The following CNTN6 variants were observed in gnomAD, a reference collection of about 807,000 sequenced individuals.
CNTN6 encodes the protein contactin-6.
CNTN6 carries 137 observed loss-of-function variants against 122.8 expected under a neutral mutation model. The observed-to-expected ratio is 1.12, with a 90% CI of 0.97 to 1.29. The LOEUF (loss-of-function observed/expected upper bound fraction) is 1.29, where lower values mean the gene tolerates loss of function less well. Among genes scored for constraint, CNTN6 ranks in the 50% most tolerant of loss-of-function variants. CNTN6 has a pLI of 0.00. For synonymous variants in CNTN6, 570 were observed against 426.0 expected (o/e 1.34, Z -4.16); for missense variants, 1,634 against 1,223.4 (o/e 1.34, Z -5.01).
chr3:1,333,945 A>T (rs1257633404), intron 11 of CNTN6, among the ~76,000 whole-genome samples: 3 of 152,112 alleles, frequency 2.0e-5, no homozygotes, highest in Admixed American at 6.6e-5. Context: ...ACATGATTCA[A>T]CGTAATTTGA....
intron 12 of CNTN6, among the ~76,000 whole-genome samples, chr3:1,358,359 C>T (rs1255555535): frequency 2.0e-5 from 3 of 151,486 alleles, no homozygotes; most frequent in African/African-American, 7.3e-5. Flanking sequence ...GTAAATTTAC[C>T]TTGACTCTAT....
At chr3:1,329,223 G>T (rs1701950712) in intron 10 of CNTN6, among the ~76,000 whole-genome samples, 1 of 149,398 alleles carries the variant, frequency 6.7e-6, no homozygotes, top group South Asian at 2.1e-4. Flanking sequence ...GTATATATAT[G>T]GATACACATG....
At chr3:1,366,296 A>T (rs927864796) in intron 12 of CNTN6, among the ~76,000 whole-genome samples, 1 of 152,168 alleles carries the variant, frequency 6.6e-6, no homozygotes, top group African/African-American at 2.4e-5. Flanking sequence ...TTTACAAACG[A>T]TAGAGTCTAG....
At chr3:1,332,539 G>A (rs1008070410) in intron 11 of CNTN6, among the ~76,000 whole-genome samples, 2 of 118,872 alleles carry the variant, frequency 1.7e-5, no homozygotes, top group African/African-American at 6.3e-5. Context: ...AGGAGGGAGG[G>A]AAGGAAGGAA....
intron 4 of CNTN6, among the ~76,000 whole-genome samples, chr3:1,270,851 G>A (rs2095012862): frequency 6.6e-6 from 1 of 152,142 alleles, no homozygotes; most frequent in East Asian, 1.9e-4. Context: ...GTGGTTAAGC[G>A]AATGCACTCT....
intron 7 of CNTN6, among the ~76,000 whole-genome samples, chr3:1,315,445 GC>G (rs774159975): frequency 1.4e-4 from 22 of 151,870 alleles, no homozygotes; most frequent in Non-Finnish European, 1.5e-5. Flanking sequence ...AGGAGAACTG[GC>G]AGGTAATAAT....
chr3:1,196,518 T>A (rs531330636), intron 2 of CNTN6, among the ~76,000 whole-genome samples: 1 of 152,218 alleles, frequency 6.6e-6, no homozygotes, highest in Non-Finnish European at 1.5e-5. Context: ...TAAAAGTGAC[T>A]GGCAGAGGGA....
At chr3:1,356,164 A>C (rs1201489726) in intron 12 of CNTN6, among the ~76,000 whole-genome samples, 4 of 151,802 alleles carry the variant, frequency 2.6e-5, no homozygotes, top group Non-Finnish European at 5.9e-5. Context: ...ATAAAAGGAG[A>C]AATTATTTGA....
chr3:1,117,476 G>A (rs565961878), intron 1 of CNTN6, among the ~76,000 whole-genome samples: 14 of 152,050 alleles, frequency 9.2e-5, no homozygotes, highest in Non-Finnish European at 1.6e-4. Context: ...TTGTTTGATC[G>A]GTATGTGACT....
chr3:1,273,974 A>G (rs1333629094), intron 4 of CNTN6, among the ~76,000 whole-genome samples: 1 of 152,238 alleles, frequency 6.6e-6, no homozygotes, highest in Non-Finnish European at 1.5e-5. Flanking sequence ...AATTCAATCC[A>G]AAGCTTGTTA....
At chr3:1,146,510 T>C (rs1179487345) in intron 1 of CNTN6, among the ~76,000 whole-genome samples, 1 of 152,120 alleles carries the variant, frequency 6.6e-6, no homozygotes, top group Non-Finnish European at 1.5e-5. Context: ...TAAAAAATGC[T>C]AACTGAATTC....
chr3:1,255,777 A>G lies in CNTN6; in HGVS notation c.359-22636A>G, dbSNP rs533297169. Among the ~76,000 whole-genome samples the G allele has an allele frequency of 2.6e-5, 4 of 152,214 alleles. No homozygotes were observed. The South Asian group carries it at 6.2e-4, about 24-fold the overall frequency. On this transcript the variant is annotated intron_variant, in intron 4 of 22. Coordinates refer to ENST00000446702, the MANE Select transcript of CNTN6 (RefSeq NM_001289080.2). ...AGCTTCAAACTCCTGGGCTCAAGCA[A>G]TCGTTTTGCTTCAGCCTCCTGAGTA...
intron 1 of CNTN6, among the ~76,000 whole-genome samples, chr3:1,119,324 T>TGTGTGTGTGTGTGTGTGC (rs1163589529): frequency 1.1e-4 from 16 of 149,266 alleles, no homozygotes; most frequent in Admixed American, 8.1e-4. Context: ...AGAAAAATCG[T>TGTGTGTGTGTGTGTGTGC]GTGTGTGTGT....
At chr3:1,148,615 T>A (rs1373177830) in intron 2 of CNTN6, among the ~76,000 whole-genome samples, 1 of 152,186 alleles carries the variant, frequency 6.6e-6, no homozygotes, top group African/African-American at 2.4e-5. Flanking sequence ...AACATGTTCT[T>A]TTATTCAACT....
At chr3:1,287,859 T>A (rs1694612400) in intron 5 of CNTN6, among the ~76,000 whole-genome samples, 1 of 152,214 alleles carries the variant, frequency 6.6e-6, no homozygotes, top group Non-Finnish European at 1.5e-5. Context: ...ATTCTCCTCC[T>A]CTTTCCCAGA....
At chr3:1,382,873 A>C in intron 17 of CNTN6, 69 bp from the exon 18 acceptor site, 1 of 1,012,588 alleles carries the variant, frequency 9.9e-7, no homozygotes, top group Non-Finnish European at 1.5e-6. Flanking sequence ...TGAAATAATC[A>C]ATAAACATTA....
At chr3:1,258,014 G>T (rs1336355480) in intron 4 of CNTN6, among the ~76,000 whole-genome samples, 1 of 152,060 alleles carries the variant, frequency 6.6e-6, no homozygotes, top group Non-Finnish European at 1.5e-5. Flanking sequence ...GATTTATTTG[G>T]CTATATGTTT....
At chr3:1,296,117 C>T (rs1001841297) in intron 6 of CNTN6, among the ~76,000 whole-genome samples, 1 of 152,038 alleles carries the variant, frequency 6.6e-6, no homozygotes, top group Non-Finnish European at 1.5e-5. Context: ...TATGTGTGCA[C>T]GTGTGGGTGC....
At chr3:1,312,828 T>A (rs78004425) in intron 7 of CNTN6, among the ~76,000 whole-genome samples, 27 of 149,084 alleles carry the variant, frequency 1.8e-4, no homozygotes, top group East Asian at 3.9e-4. Flanking sequence ...TTTTTTTTTT[T>A]AATTTACTGT....
Sources: gnomAD v4.1 joint callset for allele counts (sites outside exome capture counted in the v4.1 genomes callset) on GRCh38, gnomAD v4.1.1 for gene constraint, MANE v1.5 for transcripts, NCBI Gene and HGNC (gene_info 2026-07-23, HGNC 2026-07-21) for gene names.